The following GPR176 variants were observed in gnomAD, a reference collection of about 807,000 sequenced individuals.
The protein encoded by GPR176 is G protein-coupled receptor 176.
Under a neutral mutation model 35.4 loss-of-function variants are expected in GPR176, and 26 were observed. That is an observed-to-expected ratio of 0.74 (90% CI 0.54 to 1.02). The LOEUF (loss-of-function observed/expected upper bound fraction) is 1.02, where lower values mean the gene tolerates loss of function less well. GPR176 is among the 50% of genes least tolerant of loss of function. The probability of loss-of-function intolerance (pLI) is 0.00; values close to 1 mark genes in which losing one functional copy is unlikely to be tolerated. For missense variants in GPR176, 597 were observed against 665.3 expected, an observed-to-expected ratio of 0.90 and a Z score of 1.13; for synonymous variants, 278 against 271.3, an observed-to-expected ratio of 1.02 and a Z score of -0.24.
At chr15:39,894,915 C>T (rs1298033112) in intron 1 of GPR176, among the ~76,000 whole-genome samples, 4 of 152,150 alleles carry the variant, frequency 2.6e-5, no homozygotes, top group African/African-American at 7.2e-5. Flanking sequence ...GCCGAGATCA[C>T]GCCACTGCAC....
chr15:39,863,469 CA>C (rs2031696814), intron 1 of GPR176, among the ~76,000 whole-genome samples: 1 of 151,790 alleles, frequency 6.6e-6, no homozygotes, highest in African/African-American at 2.4e-5. Flanking sequence ...CAAAAGAATC[CA>C]AAAGCTTTAA....
Position 39,801,052 on chromosome 15 carries a change from C to CA in GPR176, c.*79dup. ...CACACTGAGTTGCAAGGAGATCATACAATCACATGGCCACAGCATTCCCAC... is the reference window on the plus strand; with the variant it reads ...CACACTGAGTTGCAAGGAGATCATACAAATCACATGGCCACAGCATTCCCAC... On this transcript the variant is annotated 3_prime_UTR_variant, in exon 3 of 3. Coordinates refer to ENST00000561100, the MANE Select transcript of GPR176 (RefSeq NM_007223.3). 8.1e-7 allele frequency: 1 copy of CA among 1,237,404 alleles called. No homozygotes were observed. Among genetic ancestry groups the CA allele is most frequent in the Non-Finnish European group, 1.1e-6 (1 of 878,566 alleles). The allele number at this position is 1,237,404 out of a possible 1,614,324, so 76.7% of individuals were successfully genotyped here. A position where few individuals can be genotyped will look rare whatever the true frequency, so the allele number is the denominator to read the frequency against.
At position 39,812,723 on chromosome 15, in the gene GPR176, T is replaced by C. The variant is rs377475787; in HGVS notation, c.173-5465A>G. ...ACCCTGACTAATACAAGTATATTCC[T>C]AATTCCTCTCTTCTAAGCTTTATTT... On this transcript the variant is annotated intron_variant, in intron 1 of 2. Coordinates refer to ENST00000561100, the MANE Select transcript of GPR176 (RefSeq NM_007223.3). Among the ~76,000 whole-genome samples the C allele has an allele frequency of 8.8e-5, 13 of 148,110 alleles. No homozygotes were observed. The East Asian group carries it at 1.4e-3, about 16-fold the overall frequency.
chr15:39,807,528 C>T, intron 1 of GPR176: 2 of 1,507,532 alleles, frequency 1.3e-6, no homozygotes, highest in Non-Finnish European at 1.8e-6. Flanking sequence ...ATAACGATGG[C>T]TTAGTCTCAT....
intron 1 of GPR176, among the ~76,000 whole-genome samples, chr15:39,855,921 A>G (rs1357193427): frequency 6.6e-6 from 1 of 152,226 alleles, no homozygotes; most frequent in Non-Finnish European, 1.5e-5. Flanking sequence ...CACCTTACAT[A>G]TGTAAATTCA....
intron 1 of GPR176, among the ~76,000 whole-genome samples, chr15:39,808,696 G>A (rs753825591): frequency 2.6e-5 from 4 of 152,150 alleles, no homozygotes; most frequent in African/African-American, 7.2e-5. Flanking sequence ...CTCAGTATCT[G>A]GCACAGAGTA....
At chr15:39,908,134 G>A (rs1439746302) in intron 1 of GPR176, among the ~76,000 whole-genome samples, 2 of 152,172 alleles carry the variant, frequency 1.3e-5, no homozygotes, top group Non-Finnish European at 2.9e-5. Flanking sequence ...GCACATCCAT[G>A]AACCTTTGCC....
chr15:39,811,727 G>C (rs28401568), intron 1 of GPR176, among the ~76,000 whole-genome samples: 16,516 of 151,874 alleles, frequency 0.11, 1,266 homozygotes, highest in Admixed American at 0.25. Flanking sequence ...CCATCCTGGC[G>C]AACATGGTGA....
chr15:39,851,771 T>C (rs1043421482), intron 1 of GPR176, among the ~76,000 whole-genome samples: 5 of 152,180 alleles, frequency 3.3e-5, no homozygotes, highest in African/African-American at 1.2e-4. Context: ...GCACTTTTTT[T>C]CCCAACATAT....
At chr15:39,901,640 C>A (rs2033280860) in intron 1 of GPR176, among the ~76,000 whole-genome samples, 1 of 152,208 alleles carries the variant, frequency 6.6e-6, no homozygotes, top group Non-Finnish European at 1.5e-5. Context: ...CTTCCCAACT[C>A]TCCTGGCACT....
intron 1 of GPR176, among the ~76,000 whole-genome samples, chr15:39,811,704 C>T (rs1208953521): frequency 6.6e-6 from 1 of 152,058 alleles, no homozygotes; most frequent in African/African-American, 2.4e-5. Flanking sequence ...ATCACGAGGT[C>T]AGGAGATCAA....
At chr15:39,871,714 C>CA (rs147182615) in intron 1 of GPR176, among the ~76,000 whole-genome samples, 85 of 152,304 alleles carry the variant, frequency 5.6e-4, no homozygotes, top group Non-Finnish European at 7.8e-4. Flanking sequence ...TAAATAAACT[C>CA]AAGAGTATCT....
At chr15:39,894,601 C>T (rs1249974559) in intron 1 of GPR176, 1 of 176,614 alleles carries the variant, frequency 5.7e-6, no homozygotes, top group Non-Finnish European at 1.2e-5. Flanking sequence ...GGCAGAGGCG[C>T]TCCCCACATC....
rs1229123239 is a variant in GPR176 at position 39,877,299 on chromosome 15, C to T, written c.172+42556G>A. Among the ~76,000 whole-genome samples the T allele has an allele frequency of 2.0e-5, 3 of 152,082 alleles. 1 individual carries two copies. The highest frequency in any genetic ancestry group is 2.9e-5 in the Non-Finnish European group (2 of 68,002). On this transcript the variant is annotated intron_variant, in intron 1 of 2. Transcript: ENST00000561100. ...AAGAGGAGAATAAGTTTCTCCTCTC[C>T]CCCAACCCCAGCCACACTGATACGT...
chr15:39,826,833 C>T (rs1460682626), intron 1 of GPR176, among the ~76,000 whole-genome samples: 2 of 152,152 alleles, frequency 1.3e-5, no homozygotes, highest in Admixed American at 6.5e-5. Context: ...ACCCTGACCA[C>T]TGACACAGTG....
intron 1 of GPR176, among the ~76,000 whole-genome samples, chr15:39,835,150 T>C (rs1235475051): frequency 6.6e-6 from 1 of 152,108 alleles, no homozygotes; most frequent in Admixed American, 6.5e-5. Flanking sequence ...CCCGAGTAGC[T>C]GGGATTACAG....
At chr15:39,842,053 C>G (rs761525316) in intron 1 of GPR176, among the ~76,000 whole-genome samples, 10 of 152,036 alleles carry the variant, frequency 6.6e-5, no homozygotes, top group Non-Finnish European at 1.2e-4. Flanking sequence ...CGTCTGTGTC[C>G]CCCTCTCCCA....
At chr15:39,884,031 G>T (rs1313254341) in intron 1 of GPR176, among the ~76,000 whole-genome samples, 1 of 152,192 alleles carries the variant, frequency 6.6e-6, no homozygotes, top group Non-Finnish European at 1.5e-5. Context: ...TGCCCCAGAA[G>T]AGGAAAAATA....
chr15:39,830,995 G>C (rs566722822), intron 1 of GPR176, among the ~76,000 whole-genome samples: 86 of 152,132 alleles, frequency 5.7e-4, no homozygotes, highest in Non-Finnish European at 9.7e-4. Flanking sequence ...CAAGATCAAA[G>C]AGCATTATCT....
Sources: allele counts gnomAD v4.1 joint callset (sites outside exome capture counted in the v4.1 genomes callset), GRCh38; gene constraint gnomAD v4.1.1; transcripts MANE v1.5; gene names NCBI Gene and HGNC (gene_info 2026-07-23, HGNC 2026-07-21).